BCAS3: variants seen among roughly 807,000 people sequenced by gnomAD.
BCAS3 encodes the protein BCAS3 microtubule associated cell migration factor.
In BCAS3, 53 loss-of-function variants were observed where a neutral mutation model predicts 116.1. The observed-to-expected ratio is 0.46, with a 90% CI of 0.37 to 0.57. The LOEUF is 0.57. Ranked by LOEUF, BCAS3 falls within the 20% of genes least tolerant of loss-of-function variation. The pLI, the probability that BCAS3 is intolerant of heterozygous loss-of-function variation, is 0.00. For missense variants in BCAS3, 917 were observed against 1,165.4 expected, an observed-to-expected ratio of 0.79 and a Z score of 3.10; for synonymous variants, 391 against 408.2, an observed-to-expected ratio of 0.96 and a Z score of 0.51.
At chr17:61,385,044 G>A (rs1222882630) in intron 23 of BCAS3, among the ~76,000 whole-genome samples, 1 of 152,302 alleles carries the variant, frequency 6.6e-6, no homozygotes, top group African/African-American at 2.4e-5. Flanking sequence ...GCTGAGGCTG[G>A]CTCCATCCCA....
Position 61,131,358 on chromosome 17 carries a change from T to C in BCAS3, c.2425+46794T>C, listed in dbSNP as rs550026691. On this transcript the variant is annotated intron_variant, in intron 22 of 23. Coordinates refer to ENST00000407086, the MANE Select transcript of BCAS3 (RefSeq NM_017679.5). The surrounding 1 kb of genome is among the most constrained non-coding windows in gnomAD (Gnocchi z 4.4). ...GAGGGTTCCCTGACTTTGATAGTTT[T>C]AATTATCTTAATTTATCCTCTGTTC... 6.5e-4 allele frequency among the ~76,000 whole-genome samples: 99 copies of C among 152,348 alleles called. No individual in the cohort carries two copies. Among genetic ancestry groups the C allele is most frequent in the Non-Finnish European group, 1.2e-3 (80 of 68,044 alleles).
At chr17:60,867,038 T>C (rs536327420) in intron 7 of BCAS3, among the ~76,000 whole-genome samples, 4 of 152,186 alleles carry the variant, frequency 2.6e-5, no homozygotes, top group Admixed American at 2.6e-4. Context: ...GGTATATTTT[T>C]GATGAGGTTT....
At chr17:61,060,491 A>C (rs113586643) in intron 19 of BCAS3, among the ~76,000 whole-genome samples, 6,252 of 152,020 alleles carry the variant, frequency 0.041, 461 homozygotes, top group African/African-American at 0.14. Flanking sequence ...GGGAAAAAAA[A>C]CCTGTTCTAG....
intron 22 of BCAS3, among the ~76,000 whole-genome samples, chr17:61,247,602 C>G (rs2048072444): frequency 6.6e-6 from 1 of 152,206 alleles, no homozygotes; most frequent in Non-Finnish European, 1.5e-5. Context: ...CACCTACCAG[C>G]AAGAGCAGCA....
At chr17:61,050,389 G>C (rs2068747598) in intron 19 of BCAS3, among the ~76,000 whole-genome samples, 1 of 151,858 alleles carries the variant, frequency 6.6e-6, no homozygotes. Context: ...AATATATACT[G>C]TGTGTGTACC....
intron 22 of BCAS3, among the ~76,000 whole-genome samples, chr17:61,187,194 C>T (rs1199832381): frequency 6.6e-6 from 1 of 152,190 alleles, no homozygotes; most frequent in Admixed American, 6.5e-5. Context: ...TAAGTGTTAT[C>T]AAGGACATCA....
At chr17:61,190,662 C>T (rs764021839) in intron 22 of BCAS3, among the ~76,000 whole-genome samples, 1 of 151,236 alleles carries the variant, frequency 6.6e-6, no homozygotes, top group Non-Finnish European at 1.5e-5. Context: ...GGCTGGAGTG[C>T]TATGGCGTGA....
intron 2 of BCAS3, among the ~76,000 whole-genome samples, chr17:60,682,583 C>T (rs374030786): frequency 2.0e-5 from 3 of 151,996 alleles, no homozygotes; most frequent in African/African-American, 4.8e-5. Context: ...AGTGCAGTGG[C>T]GCGGTCTTGA....
Position 61,302,012 on chromosome 17 carries a change from C to T in BCAS3, c.2426-66315C>T, listed in dbSNP as rs1458477010. ...TTAGGTGAAGCACGGCCACTTTGAA[C>T]GCTTATTCCCATTCTGCAGAGACCC... On this transcript the variant is annotated intron_variant, in intron 22 of 23. Transcript: ENST00000407086. This position sits in a 1 kb window ranked among gnomAD's most constrained non-coding sequence, Gnocchi z 4.4. Among the ~76,000 whole-genome samples the T allele has an allele frequency of 6.6e-6, 1 of 152,176 alleles. No individual in the cohort carries two copies. The highest frequency in any genetic ancestry group is 6.5e-5 in the Admixed American group (1 of 15,282).
At chr17:61,010,320 C>T (rs1287910674) in intron 15 of BCAS3, among the ~76,000 whole-genome samples, 1 of 151,868 alleles carries the variant, frequency 6.6e-6, no homozygotes, top group Non-Finnish European at 1.5e-5. Context: ...GTTAGCAAAA[C>T]TTTTAGTAAA....
In BCAS3 at chr17:61,235,204, C is replaced by T. The variant is rs2082944720; in HGVS notation, c.2426-133123C>T. ...GCCTGGCTGTCTGCCCCCCGCCTGT[C>T]CTAAGCACTTTAAATGTGTCAACTC... On this transcript the variant is annotated intron_variant, in intron 22 of 23. Coordinates refer to ENST00000407086, the MANE Select transcript of BCAS3 (RefSeq NM_017679.5). The surrounding 1 kb of genome is among the most constrained non-coding windows in gnomAD (Gnocchi z 5.0). Among the ~76,000 whole-genome samples, 1 of 152,144 alleles carries T rather than the reference C, an allele frequency of 6.6e-6. No homozygotes were observed. Among genetic ancestry groups the T allele is most frequent in the Non-Finnish European group, 1.5e-5 (1 of 68,026 alleles).
chr17:61,019,359 C>G lies in BCAS3; in HGVS notation c.1637+3458C>G, dbSNP rs976040132. 1.3e-5 allele frequency among the ~76,000 whole-genome samples: 2 copies of G among 152,118 alleles called. No homozygotes were observed. Among genetic ancestry groups the G allele is most frequent in the African/African-American group, 4.8e-5 (2 of 41,426 alleles). ...TCCTGGTGCCAAAAAGGTTGGGGATCGCTCCTTAAGCCACTCTCTGAAGAG... is the reference window on the plus strand; with the variant it reads ...TCCTGGTGCCAAAAAGGTTGGGGATGGCTCCTTAAGCCACTCTCTGAAGAG... On this transcript the variant is annotated intron_variant, in intron 16 of 23. Transcript: ENST00000407086. The surrounding 1 kb of genome is among the most constrained non-coding windows in gnomAD (Gnocchi z 5.6).
chr17:61,245,724 T>C (rs1353207097), intron 22 of BCAS3, among the ~76,000 whole-genome samples: 1 of 152,184 alleles, frequency 6.6e-6, no homozygotes, highest in East Asian at 1.9e-4. Context: ...AGATGAGCTA[T>C]TGGGCTCTCA....
chr17:60,763,552 G>T (rs1483803667), intron 6 of BCAS3, among the ~76,000 whole-genome samples: 3 of 152,202 alleles, frequency 2.0e-5, no homozygotes, highest in Non-Finnish European at 2.9e-5. Flanking sequence ...AAGCCAACTT[G>T]ATCTTGGTGG....
intron 7 of BCAS3, among the ~76,000 whole-genome samples, chr17:60,821,388 ATATT>A (rs1267529148): frequency 1.3e-5 from 2 of 152,216 alleles, no homozygotes; most frequent in South Asian, 2.1e-4. Flanking sequence ...TGAACTATAC[ATATT>A]TAAAGTGTAT....
In BCAS3 at chr17:61,211,940, T is replaced by A. The variant is rs138961295; in HGVS notation, c.2425+127376T>A. ...ACTGTTGCAGTTTGCTGTGTGGGTG[T>A]TTCTACAATGTGGGAAACTTGTTTC... On this transcript the variant is annotated intron_variant, in intron 22 of 23. Transcript: ENST00000407086. This position sits in a 1 kb window ranked among gnomAD's most constrained non-coding sequence, Gnocchi z 4.4. Among the ~76,000 whole-genome samples, 354 of 152,342 alleles carry A rather than the reference T, an allele frequency of 2.3e-3. 2 individuals are homozygous for A. Among genetic ancestry groups the A allele is most frequent in the African/African-American group, 8.2e-3 (343 of 41,588 alleles).
intron 13 of BCAS3, among the ~76,000 whole-genome samples, chr17:60,943,651 G>A (rs1004263046): frequency 1.3e-5 from 2 of 152,032 alleles, no homozygotes; most frequent in Non-Finnish European, 2.9e-5. Context: ...ACAGAAAGCA[G>A]TCAGTCAGTA....
At chr17:61,262,529 C>T (rs2049301861) in intron 22 of BCAS3, among the ~76,000 whole-genome samples, 1 of 151,170 alleles carries the variant, frequency 6.6e-6, no homozygotes, top group African/African-American at 2.4e-5. Context: ...TACAGGCACG[C>T]ACCACTGCGC....
intron 19 of BCAS3, among the ~76,000 whole-genome samples, chr17:61,067,273 G>GTGTGTGTATATATATATATATATATA (rs1251223420): frequency 1.7e-5 from 1 of 58,800 alleles, no homozygotes. Context: ...GTGTGTATGT[G>GTGTGTGTATATATATATATATATATA]TATATATATA....
Sources: allele counts gnomAD v4.1 joint callset (sites outside exome capture counted in the v4.1 genomes callset), GRCh38; gene constraint gnomAD v4.1.1; non-coding constraint Gnocchi (gnomAD v3.1); transcripts MANE v1.5; gene names NCBI Gene and HGNC (gene_info 2026-07-23, HGNC 2026-07-21).